Variants in PRMT3 observed in about 807,000 individuals in gnomAD.
PRMT3 encodes protein arginine N-methyltransferase 3.
A neutral mutation model predicts 71.9 loss-of-function variants in PRMT3; 62 were observed. The observed-to-expected ratio is 0.86, with a 90% CI of 0.70 to 1.07. The LOEUF (loss-of-function observed/expected upper bound fraction) is 1.07, where lower values mean the gene tolerates loss of function less well. Ranked by LOEUF, PRMT3 falls within the 50% of genes least tolerant of loss-of-function variation. PRMT3 has a pLI of 0.00. For synonymous variants in PRMT3, 213 were observed against 220.4 expected, an observed-to-expected ratio of 0.97 and a Z score of 0.30; for missense variants, 663 against 643.0, an observed-to-expected ratio of 1.03 and a Z score of -0.34.
intron 7 of PRMT3, among the ~76,000 whole-genome samples, chr11:20,398,589 A>G (rs1848882738): frequency 6.6e-6 from 1 of 152,186 alleles, no homozygotes; most frequent in African/African-American, 2.4e-5. Context: ...AGTAGCTGGG[A>G]CTACAGGTGC....
chr11:20,462,487 TCCTCCCCAG>T (rs1850408661), intron 12 of PRMT3, among the ~76,000 whole-genome samples: 1 of 152,188 alleles, frequency 6.6e-6, no homozygotes, highest in African/African-American at 2.4e-5. Flanking sequence ...TGCTTCATCA[TCCTCCCCAG>T]CCTTATTTTA....
chr11:20,447,657 C>T (rs1458742650), intron 10 of PRMT3, among the ~76,000 whole-genome samples: 1 of 151,978 alleles, frequency 6.6e-6, no homozygotes, highest in East Asian at 1.9e-4. Context: ...AACTAATTCA[C>T]CAAATTTGTG....
intron 9 of PRMT3, among the ~76,000 whole-genome samples, chr11:20,413,792 C>G (rs1279721619): frequency 1.3e-5 from 2 of 152,094 alleles, no homozygotes; most frequent in African/African-American, 2.4e-5. Context: ...CAACTCTGTT[C>G]TTAACTTCTC....
In PRMT3 at chr11:20,409,654, AACACACACAC is replaced by A. The variant is rs60686099; in HGVS notation, c.893+1651_893+1660del. On this transcript the variant is annotated intron_variant, in intron 9 of 15. Transcript: ENST00000331079. The stretch of plus-strand genomic sequence containing the variant: ...TGCGATTTTTGTATTGGAATACACA[AACACACACAC>A]ACACACACACACACACACACACACA... Among the ~76,000 whole-genome samples the A allele has an allele frequency of 1.3e-3, 193 of 144,330 alleles. 1 individual carries two copies. The highest frequency in any genetic ancestry group is 3.1e-3 in the African/African-American group (120 of 38,714). 94.7% of individuals were successfully genotyped at this position (144,330 alleles called of 152,430 possible). A position where few individuals can be genotyped will look rare whatever the true frequency, so the allele number is the denominator to read the frequency against.
At chr11:20,389,677 G>A in intron 2 of PRMT3, 67 bp from the exon 3 acceptor site, 1 of 1,071,340 alleles carries the variant, frequency 9.3e-7, no homozygotes, top group Non-Finnish European at 1.4e-6. Context: ...AAGTGTATAT[G>A]TAACATGAAA....
At chr11:20,442,878 G>A (rs1407897403) in intron 10 of PRMT3, among the ~76,000 whole-genome samples, 2 of 152,022 alleles carry the variant, frequency 1.3e-5, no homozygotes, top group Non-Finnish European at 2.9e-5. Flanking sequence ...ATTTTATATT[G>A]CTAGAGGTGA....
chr11:20,484,540 T>A (rs1352095097), intron 13 of PRMT3, among the ~76,000 whole-genome samples: 1 of 152,176 alleles, frequency 6.6e-6, no homozygotes, highest in Non-Finnish European at 1.5e-5. Context: ...CAAGGTCTGA[T>A]GTGTATTATA....
At chr11:20,438,907 G>C (rs1849821854) in intron 10 of PRMT3, among the ~76,000 whole-genome samples, 1 of 152,160 alleles carries the variant, frequency 6.6e-6, no homozygotes. Context: ...CCAGCTTGAG[G>C]GGGTGGGAGA....
rs1308336166 is a variant in PRMT3 at position 20,508,322 on chromosome 11, A to G, written c.1505A>G (p.Lys502Arg). The G allele has an allele frequency of 5.0e-6, 8 of 1,608,206 alleles. No individual in the cohort carries two copies. In the South Asian group the frequency reaches 6.6e-5, roughly 13 times the overall value. Reference sequence around the variant, plus strand: ...TTTACAGGTGAAGCCTTGAAAGGAAAGGTCACAGTTCACAAGAATAAGAAA... The same window carrying G: ...TTTACAGGTGAAGCCTTGAAAGGAAGGGTCACAGTTCACAAGAATAAGAAA... ...SVKAGEALKG[K>R]VTVHKNKKDP... Residue 502 changes from lysine to arginine, a missense_variant, in exon 16 of 16, where the codon AAG becomes AGG. Transcript: ENST00000331079.
Position 20,489,596 on chromosome 11 carries a change from A to G in PRMT3, c.1348-4323A>G, listed in dbSNP as rs186475622. ...CAAAGTGATGGTAGCAAGGTGGCCA[A>G]ACTGTAATTGAAAATAGTGGCATGT... On this transcript the variant is annotated intron_variant, in intron 13 of 15. Coordinates refer to ENST00000331079, the MANE Select transcript of PRMT3 (RefSeq NM_005788.4). 5.9e-5 allele frequency among the ~76,000 whole-genome samples: 9 copies of G among 152,276 alleles called. No individual in the cohort carries two copies. The East Asian group carries it at 1.4e-3, about 23-fold the overall frequency.
intron 9 of PRMT3, among the ~76,000 whole-genome samples, chr11:20,425,514 T>C (rs575715774): frequency 1.2e-4 from 18 of 152,210 alleles, no homozygotes; most frequent in Non-Finnish European, 2.2e-4. Flanking sequence ...CACAGGTGAA[T>C]GTATAAACAA....
Position 20,462,537 on chromosome 11 carries a change from G to A in PRMT3, c.1260+370G>A, listed in dbSNP as rs117552956. Among the ~76,000 whole-genome samples, 742 of 152,126 alleles carry A rather than the reference G, an allele frequency of 4.9e-3. 4 individuals are homozygous for A. The highest frequency in any genetic ancestry group is 8.5e-3 in the Non-Finnish European group (580 of 68,002). ...TCATTTACAGCCAGATTATTCATTC[G>A]TGTCATATATTCCACACAGTTTAAC... On this transcript the variant is annotated intron_variant, in intron 12 of 15. Coordinates refer to ENST00000331079, the MANE Select transcript of PRMT3 (RefSeq NM_005788.4).
Position 20,408,041 on chromosome 11 carries a change from A to G in PRMT3, c.893+9A>G. On this transcript the variant is annotated intron_variant, in intron 9 of 15. Coordinates refer to ENST00000331079, the MANE Select transcript of PRMT3 (RefSeq NM_005788.4). ...GCAATGGATATTATAAGGTACATAT[A>G]TTTTAAGCCTTCATTTAAGATTATT... is the stretch of plus-strand genomic sequence containing the variant. 6.6e-7 allele frequency: 1 copy of G among 1,505,902 alleles called. No individual in the cohort carries two copies. Among genetic ancestry groups the G allele is most frequent in the Non-Finnish European group, 9.0e-7 (1 of 1,111,902 alleles). The allele number at this position is 1,505,902 out of a possible 1,614,324, so 93.3% of individuals were successfully genotyped here.
At position 20,395,940 on chromosome 11, in the gene PRMT3, C is replaced by T. The variant is rs377244029; in HGVS notation, c.538C>T (p.Arg180Cys). 8.6e-5 allele frequency: 138 copies of T among 1,609,318 alleles called. No homozygotes were observed. The highest frequency in any genetic ancestry group is 3.3e-4 in the Middle Eastern group (2 of 6,034). The change falls in exon 6 of 16, where the codon CGT becomes TGT. Residue 180 changes from arginine to cysteine, a missense_variant. Arg to Cys is a radical substitution (Grantham distance 180). Coordinates refer to ENST00000331079, the MANE Select transcript of PRMT3 (RefSeq NM_005788.4). Reference sequence around the variant, plus strand: ...TGCTGAAGCCGCATTGGCCAGAGCACGTGAGGATCTGCAAAAAATGAAGTA... The same window carrying T: ...TGCTGAAGCCGCATTGGCCAGAGCATGTGAGGATCTGCAAAAAATGAAGTA... The part of the protein sequence containing the change: ...LSAEAALARA[R>C]EDLQKMKQFA...
chr11:20,471,069 G>GT (rs948279250), intron 13 of PRMT3, among the ~76,000 whole-genome samples: 20 of 150,294 alleles, frequency 1.3e-4, no homozygotes, highest in Admixed American at 7.3e-4. Context: ...CTTTTTAATG[G>GT]TTTTTTTTCT....
chr11:20,466,265 A>T (rs6483689), intron 13 of PRMT3, among the ~76,000 whole-genome samples: 148,202 of 152,292 alleles, frequency 0.97, 72,434 homozygotes, highest in Middle Eastern at 1. Flanking sequence ...AGGAACAGAC[A>T]GTATTTTCAA....
At position 20,393,614 on chromosome 11, in the gene PRMT3, A is replaced by G. The variant is rs1056060193; in HGVS notation, c.400+615A>G. On this transcript the variant is annotated intron_variant, in intron 5 of 15. Coordinates refer to ENST00000331079, the MANE Select transcript of PRMT3 (RefSeq NM_005788.4). ...AGACAGAAGGTAGATGTAGATGTTC[A>G]TCTTTCTGAATATGGTTTAGGCCTT... Among the ~76,000 whole-genome samples the G allele has an allele frequency of 3.9e-5, 6 of 152,252 alleles. No homozygotes were observed. In the South Asian group the frequency reaches 1.2e-3, roughly 31 times the overall value.
At chr11:20,431,650 T>C (rs564981638) in intron 10 of PRMT3, among the ~76,000 whole-genome samples, 27 of 152,276 alleles carry the variant, frequency 1.8e-4, no homozygotes, top group Admixed American at 3.9e-4. Context: ...TCTCTTTCCA[T>C]GTCTAGCATT....
chr11:20,439,950 T>C (rs34221672), intron 10 of PRMT3, among the ~76,000 whole-genome samples: 8,764 of 152,230 alleles, frequency 0.058, 809 homozygotes, highest in African/African-American at 0.2. Context: ...GTGTAACCCA[T>C]ACTCATAAGG....
Sources: allele counts gnomAD v4.1 joint callset (sites outside exome capture counted in the v4.1 genomes callset), GRCh38; gene constraint gnomAD v4.1.1; transcripts MANE v1.5; gene names NCBI Gene and HGNC (gene_info 2026-07-23, HGNC 2026-07-21).